The following NXPE2 variants were observed in gnomAD, a reference collection of about 807,000 sequenced individuals.
NXPE2 encodes neurexophilin and PC-esterase domain family member 2.
Under a neutral mutation model 34.4 loss-of-function variants are expected in NXPE2, and 34 were observed. The ratio of observed to expected loss-of-function variants is 0.99; its 90% CI spans 0.75 to 1.31. The LOEUF (loss-of-function observed/expected upper bound fraction) is 1.31, where lower values mean the gene tolerates loss of function less well. Among genes scored for constraint, NXPE2 ranks in the 40% most tolerant of loss-of-function variants. The pLI is 0.00. For missense variants in NXPE2, 649 were observed against 672.5 expected, an observed-to-expected ratio of 0.97 and a Z score of 0.39; for synonymous variants, 235 against 231.3, an observed-to-expected ratio of 1.02 and a Z score of -0.15.
the NXPE2 span, among the ~76,000 whole-genome samples, chr11:114,494,147 G>A: frequency 1.3e-5 from 2 of 152,018 alleles, no homozygotes; most frequent in Admixed American, 1.3e-4. Flanking sequence ...CTTGACCTTT[G>A]GGGGTTTGAT....
At chr11:114,601,882 AATT>A in the NXPE2 span, among the ~76,000 whole-genome samples, 1 of 1,278 alleles carries the variant, frequency 7.8e-4, no homozygotes, top group East Asian at 0.029. Flanking sequence ...TATTATATAT[AATT>A]ATATATTATA....
At chr11:114,772,462 T>C in the NXPE2 span, among the ~76,000 whole-genome samples, 2 of 152,120 alleles carry the variant, frequency 1.3e-5, no homozygotes, top group Non-Finnish European at 2.9e-5. Context: ...TAGGCAACGT[T>C]TTCAATAATA....
the NXPE2 span, among the ~76,000 whole-genome samples, chr11:114,547,721 C>A: frequency 2.0e-5 from 3 of 152,046 alleles, no homozygotes; most frequent in South Asian, 6.2e-4. Context: ...GGTGTCAGAG[C>A]AAGACTCTGT....
the NXPE2 span, chr11:114,521,957 G>T: frequency 6.3e-7 from 1 of 1,587,440 alleles, no homozygotes; most frequent in Non-Finnish European, 8.6e-7. Flanking sequence ...ATTTTGTATA[G>T]TATTTATCCC....
the NXPE2 span, among the ~76,000 whole-genome samples, chr11:114,479,712 G>C: frequency 1.3e-5 from 2 of 152,136 alleles, no homozygotes; most frequent in Non-Finnish European, 2.9e-5. Flanking sequence ...ATGTAGATTT[G>C]AGAGTGGACA....
intron 2 of NXPE2, among the ~76,000 whole-genome samples, chr11:114,680,188 C>T (rs574185131): frequency 2.6e-5 from 4 of 152,228 alleles, no homozygotes; most frequent in African/African-American, 7.2e-5. Flanking sequence ...TCTTAACTCA[C>T]CTTGCTTCCA....
At chr11:114,793,619 G>C in the NXPE2 span, among the ~76,000 whole-genome samples, 1 of 152,200 alleles carries the variant, frequency 6.6e-6, no homozygotes, top group Non-Finnish European at 1.5e-5. Flanking sequence ...AGATTGGGTA[G>C]TAAACTGCAG....
the NXPE2 span, among the ~76,000 whole-genome samples, chr11:114,618,262 C>T: frequency 1.3e-5 from 2 of 152,088 alleles, no homozygotes; most frequent in South Asian, 4.1e-4. Context: ...CCACTGCTAC[C>T]CACTGGATAA....
At chr11:114,599,417 T>A in the NXPE2 span, among the ~76,000 whole-genome samples, 1 of 152,222 alleles carries the variant, frequency 6.6e-6, no homozygotes, top group Non-Finnish European at 1.5e-5. Context: ...CCCTCCACCC[T>A]CTGCCTGTTA....
chr11:114,697,744 G>A (rs937402451), intron 2 of NXPE2, among the ~76,000 whole-genome samples: 1 of 152,182 alleles, frequency 6.6e-6, no homozygotes, highest in African/African-American at 2.4e-5. Flanking sequence ...AGTCAAGTGA[G>A]GGGATAGCAA....
chr11:114,623,632 A>G, the NXPE2 span, among the ~76,000 whole-genome samples: 1 of 151,900 alleles, frequency 6.6e-6, no homozygotes, highest in East Asian at 1.9e-4. Flanking sequence ...CCCACTGGAT[A>G]ATAAGTGTTG....
the NXPE2 span, among the ~76,000 whole-genome samples, chr11:114,668,424 T>C: frequency 6.6e-6 from 1 of 151,738 alleles, no homozygotes; most frequent in South Asian, 2.1e-4. Context: ...TACACAGCAG[T>C]AGATAACTAA....
At chr11:114,656,283 T>C in the NXPE2 span, among the ~76,000 whole-genome samples, 245 of 152,160 alleles carry the variant, frequency 1.6e-3, 1 homozygote, top group African/African-American at 4.3e-3. Flanking sequence ...TAAGGGAGGA[T>C]ACAAACAAAT....
At chr11:114,752,366 T>C in the NXPE2 span, among the ~76,000 whole-genome samples, 65 of 152,354 alleles carry the variant, frequency 4.3e-4, no homozygotes, top group African/African-American at 1.5e-3. Flanking sequence ...GTTTTCATTT[T>C]GAGTTAGATG....
the NXPE2 span, among the ~76,000 whole-genome samples, chr11:114,468,425 GC>G: frequency 6.6e-6 from 1 of 152,204 alleles, no homozygotes; most frequent in Non-Finnish European, 1.5e-5. Flanking sequence ...TGGTGCAGTG[GC>G]TAGTGGCCCA....
At chr11:114,677,019 C>T (rs868657156), upstream of NXPE2, among the ~76,000 whole-genome samples, 1 of 151,882 alleles carries the variant, frequency 6.6e-6, no homozygotes, top group African/African-American at 2.4e-5. Flanking sequence ...TCACAGAACA[C>T]GGAAAGATAA....
the NXPE2 span, among the ~76,000 whole-genome samples, chr11:114,786,686 G>A: frequency 6.6e-6 from 1 of 152,176 alleles, no homozygotes; most frequent in Non-Finnish European, 1.5e-5. Context: ...GGGTTCAGAA[G>A]AAACACCCAT....
At chr11:114,665,776 A>G in the NXPE2 span, among the ~76,000 whole-genome samples, 1 of 152,178 alleles carries the variant, frequency 6.6e-6, no homozygotes, top group Non-Finnish European at 1.5e-5. Flanking sequence ...AAGACTGTGC[A>G]GGTTTAAAGT....
chr11:114,691,342 G>A (rs1951145211), intron 2 of NXPE2, among the ~76,000 whole-genome samples: 1 of 151,994 alleles, frequency 6.6e-6, no homozygotes, highest in Non-Finnish European at 1.5e-5. Flanking sequence ...CTTTCAGGGT[G>A]CCTAAGCTCT....
Sources: gnomAD v4.1 joint callset for allele counts (sites outside exome capture counted in the v4.1 genomes callset) on GRCh38, gnomAD v4.1.1 for gene constraint, MANE v1.5 for transcripts, NCBI Gene and HGNC (gene_info 2026-07-23, HGNC 2026-07-21) for gene names.